The following CDH20 variants were observed in gnomAD, a reference collection of about 807,000 sequenced individuals.
The protein encoded by CDH20 is cadherin 20, also known as cadherin-20.
CDH20 carries 29 observed loss-of-function variants against 74.2 expected under a neutral mutation model. The observed-to-expected ratio is 0.39, with a 90% CI of 0.29 to 0.53. The LOEUF is 0.53. Ranked by LOEUF, CDH20 falls within the 20% of genes least tolerant of loss-of-function variation. CDH20 has a pLI of 0.69. For missense variants in CDH20, 988 were observed against 1,048.3 expected (o/e 0.94, Z 0.79); for synonymous variants, 469 against 405.4 (o/e 1.16, Z -1.88).
intron 1 of CDH20, among the ~76,000 whole-genome samples, chr18:61,338,827 CA>C (rs896590352): frequency 2.6e-5 from 4 of 152,060 alleles, no homozygotes; most frequent in African/African-American, 9.7e-5. Flanking sequence ...CCATTACCTC[CA>C]AAGAGTAAAG....
chr18:61,353,950 G>A lies in CDH20; in HGVS notation c.-153+20123G>A, dbSNP rs1910401157. Among the ~76,000 whole-genome samples the A allele has an allele frequency of 6.6e-6, 1 of 151,812 alleles. No homozygotes were observed. The highest frequency in any genetic ancestry group is 2.4e-5 in the African/African-American group (1 of 41,298). On this transcript the variant is annotated intron_variant, in intron 1 of 11. Coordinates refer to ENST00000262717, the MANE Select transcript of CDH20 (RefSeq NM_031891.4). This position sits in a 1 kb window ranked among gnomAD's most constrained non-coding sequence, Gnocchi z 4.6. ...TACAAAATATTAGTTGGGCATGGTG[G>A]CGTGCACCTGTGGTCCCAGCTACTT...
chr18:61,435,405 G>C (rs929649590), intron 1 of CDH20, among the ~76,000 whole-genome samples: 1 of 151,924 alleles, frequency 6.6e-6, no homozygotes, highest in African/African-American at 2.4e-5. Flanking sequence ...TAGGTTCTCA[G>C]GACTCTCAGA....
At chr18:61,423,434 C>G (rs933581840) in intron 1 of CDH20, among the ~76,000 whole-genome samples, 21 of 152,168 alleles carry the variant, frequency 1.4e-4, no homozygotes, top group Non-Finnish European at 2.9e-5. Context: ...TAGTACAATC[C>G]CATTCACTTG....
chr18:61,495,489 C>T (rs561010133), intron 2 of CDH20, among the ~76,000 whole-genome samples: 232 of 152,276 alleles, frequency 1.5e-3, no homozygotes, highest in African/African-American at 5.2e-3. Flanking sequence ...TTCTGCCTGC[C>T]GGTAGAAGGT....
chr18:61,450,170 A>G (rs1436766039), intron 1 of CDH20, among the ~76,000 whole-genome samples: 1 of 152,054 alleles, frequency 6.6e-6, no homozygotes, highest in Non-Finnish European at 1.5e-5. Context: ...CCTATTAAAT[A>G]GGTACCACTA....
intron 1 of CDH20, among the ~76,000 whole-genome samples, chr18:61,439,341 C>G (rs1447609431): frequency 1.3e-5 from 2 of 151,918 alleles, no homozygotes; most frequent in Non-Finnish European, 2.9e-5. Flanking sequence ...TCATTTTTAA[C>G]AAAGAAAAAT....
intron 1 of CDH20, among the ~76,000 whole-genome samples, chr18:61,416,587 C>T (rs183069234): frequency 6.6e-6 from 1 of 152,298 alleles, no homozygotes; most frequent in East Asian, 1.9e-4. Context: ...ATATGACAGG[C>T]AAGAAGGAAA....
intron 11 of CDH20, 150 bp downstream of exon 11, chr18:61,550,379 T>A: frequency 1.1e-6 from 1 of 941,862 alleles, no homozygotes; most frequent in Non-Finnish European, 1.6e-6. Flanking sequence ...CAAAAAACAG[T>A]AAAGAAATTG....
intron 6 of CDH20, among the ~76,000 whole-genome samples, chr18:61,512,211 T>C (rs1383119048): frequency 6.6e-6 from 1 of 152,224 alleles, no homozygotes; most frequent in East Asian, 1.9e-4. Context: ...TTTTAAGTAA[T>C]CAATCAGTCG....
In CDH20 at chr18:61,385,661, A is replaced by G. The variant is rs193105619; in HGVS notation, c.-153+51834A>G. ...ATATTAACAGTTTACAGCTGGGCGC[A>G]GTGGCTCATGCCTGTAATCCTAGCA... On this transcript the variant is annotated intron_variant, in intron 1 of 11. Transcript: ENST00000262717. Among the ~76,000 whole-genome samples, 295 of 152,274 alleles carry G rather than the reference A, an allele frequency of 1.9e-3. 1 individual carries two copies. The highest frequency in any genetic ancestry group is 6.8e-3 in the African/African-American group (284 of 41,562).
At chr18:61,342,983 T>C (rs1910001039) in intron 1 of CDH20, among the ~76,000 whole-genome samples, 1 of 152,164 alleles carries the variant, frequency 6.6e-6, no homozygotes, top group Non-Finnish European at 1.5e-5. Flanking sequence ...TATATCTTTG[T>C]ACCAACAAAA....
Position 61,336,041 on chromosome 18 carries a change from G to C in CDH20, c.-153+2214G>C, listed in dbSNP as rs149477949. Among the ~76,000 whole-genome samples the C allele has an allele frequency of 4.0e-3, 611 of 152,300 alleles. 3 individuals are homozygous for C. The highest frequency in any genetic ancestry group is 0.014 in the African/African-American group (562 of 41,544). On this transcript the variant is annotated intron_variant, in intron 1 of 11. Transcript: ENST00000262717. ...ACCCAGTTCTCACCGGAAAGGCGTT[G>C]TGACTGTAGTAAGTGCTGAGGGTTG...
intron 1 of CDH20, among the ~76,000 whole-genome samples, chr18:61,419,469 G>A (rs1912803000): frequency 6.6e-6 from 1 of 152,134 alleles, no homozygotes; most frequent in Non-Finnish European, 1.5e-5. Flanking sequence ...ATAAACAAAT[G>A]TGCATTTTTA....
chr18:61,359,999 C>A (rs1443661385), intron 1 of CDH20, among the ~76,000 whole-genome samples: 2 of 152,112 alleles, frequency 1.3e-5, no homozygotes, highest in African/African-American at 4.8e-5. Context: ...AAGTTGCCGT[C>A]AAATTTAAGT....
In CDH20 at chr18:61,490,547, C is replaced by T. The variant is rs1568161470; in HGVS notation, c.-7C>T. 10 of 1,610,152 alleles carry T rather than the reference C, an allele frequency of 6.2e-6. No homozygotes were observed. Among genetic ancestry groups the T allele is most frequent in the Non-Finnish European group, 8.5e-6 (10 of 1,176,650 alleles). On this transcript the variant is annotated 5_prime_UTR_variant, in exon 2 of 12. Transcript: ENST00000262717. Reference sequence around the variant, plus strand: ...TCTCCTTCATTTTCTGAAAACCTGGCAATCCCATGTGGACTTCTGGTAGAA... The same window carrying T: ...TCTCCTTCATTTTCTGAAAACCTGGTAATCCCATGTGGACTTCTGGTAGAA...
intron 1 of CDH20, among the ~76,000 whole-genome samples, chr18:61,434,257 C>T (rs1179405565): frequency 6.6e-6 from 1 of 152,034 alleles, no homozygotes. Context: ...ACGATGGGGC[C>T]AACTAGCATA....
At chr18:61,491,973 C>T (rs1229025069) in intron 2 of CDH20, among the ~76,000 whole-genome samples, 1 of 152,108 alleles carries the variant, frequency 6.6e-6, no homozygotes. Context: ...CTTCTCCACA[C>T]ACTCATTCCC....
intron 1 of CDH20, among the ~76,000 whole-genome samples, chr18:61,392,250 A>G (rs978547857): frequency 2.2e-5 from 3 of 134,702 alleles, no homozygotes; most frequent in Non-Finnish European, 3.0e-5. Flanking sequence ...CTCACACTCT[A>G]CCTCCCATCT....
At chr18:61,450,630 T>C (rs1468515331) in intron 1 of CDH20, among the ~76,000 whole-genome samples, 2 of 152,032 alleles carry the variant, frequency 1.3e-5, no homozygotes, top group Non-Finnish European at 1.5e-5. Context: ...ATAGAAAGGT[T>C]TGCCTCTTTA....
Sources: gnomAD v4.1 joint callset for allele counts (sites outside exome capture counted in the v4.1 genomes callset) on GRCh38, gnomAD v4.1.1 for gene constraint, Gnocchi (gnomAD v3.1) non-coding constraint, MANE v1.5 for transcripts, NCBI Gene and HGNC (gene_info 2026-07-23, HGNC 2026-07-21) for gene names.